ARHGAP15: variants seen among roughly 807,000 people sequenced by gnomAD.
ARHGAP15 encodes the protein rho GTPase-activating protein 15.
Under a neutral mutation model 63.7 loss-of-function variants are expected in ARHGAP15, and 51 were observed. The ratio of observed to expected loss-of-function variants is 0.80; its 90% confidence interval spans 0.64 to 1.01. ARHGAP15 has a LOEUF of 1.01. Among genes scored for constraint, ARHGAP15 ranks in the 50% least tolerant of loss-of-function variants. The pLI is 0.00. For synonymous variants in ARHGAP15, 191 were observed against 193.8 expected (o/e 0.99, Z 0.12); for missense variants, 560 against 564.6 (o/e 0.99, Z 0.08).
intron 6 of ARHGAP15, among the ~76,000 whole-genome samples, chr2:143,342,594 C>G (rs1685107082): frequency 6.6e-6 from 1 of 152,048 alleles, no homozygotes; most frequent in Admixed American, 6.6e-5. Flanking sequence ...TTATGTCTAG[C>G]ACTGAAGTTC....
intron 6 of ARHGAP15, among the ~76,000 whole-genome samples, chr2:143,361,550 A>C (rs1686054563): frequency 6.6e-6 from 1 of 152,178 alleles, no homozygotes; most frequent in Admixed American, 6.5e-5. Flanking sequence ...GGAATTATTT[A>C]CCAGTTTTTG....
chr2:143,664,848 C>T (rs866631228), intron 12 of ARHGAP15, among the ~76,000 whole-genome samples: 3 of 152,106 alleles, frequency 2.0e-5, no homozygotes, highest in South Asian at 2.1e-4. Flanking sequence ...ACACATACAC[C>T]ATCCCAAGAC....
rs756824432 is a variant in ARHGAP15 at position 143,303,089 on chromosome 2, G to T, written c.474+52489G>T. On this transcript the variant is annotated intron_variant, in intron 6 of 13. Coordinates refer to ENST00000295095, the MANE Select transcript of ARHGAP15 (RefSeq NM_018460.4). ...AGAAAACCTAGGCAATACCATTCAG[G>T]ATGTAGGCATGGGCAAAGACTTCAT... Among the ~76,000 whole-genome samples the T allele has an allele frequency of 5.8e-4, 88 of 151,958 alleles. 1 individual carries two copies. Among genetic ancestry groups the T allele is most frequent in the Non-Finnish European group, 9.9e-4 (67 of 67,980 alleles).
chr2:143,517,455 A>G (rs963566959), intron 9 of ARHGAP15, among the ~76,000 whole-genome samples: 1 of 152,228 alleles, frequency 6.6e-6, no homozygotes, highest in African/African-American at 2.4e-5. Context: ...AATTTTACAT[A>G]TACTTTAAAA....
intron 6 of ARHGAP15, among the ~76,000 whole-genome samples, chr2:143,424,387 T>A (rs80103358): frequency 0.1 from 15,775 of 151,934 alleles, 978 homozygotes; most frequent in Middle Eastern, 0.15. Flanking sequence ...TAATTTTTTT[T>A]AAAAAAATGA....
chr2:143,224,211 C>A (rs1295517753), intron 4 of ARHGAP15, among the ~76,000 whole-genome samples: 3 of 152,074 alleles, frequency 2.0e-5, no homozygotes, highest in Non-Finnish European at 2.9e-5. Context: ...AAAAAATATC[C>A]TATATCAGAA....
chr2:143,590,285 A>C (rs1030757540), intron 11 of ARHGAP15, among the ~76,000 whole-genome samples: 5 of 152,228 alleles, frequency 3.3e-5, no homozygotes, highest in Non-Finnish European at 7.3e-5. Context: ...AGTAGCTCAG[A>C]AACACTTAGC....
chr2:143,657,174 C>G (rs1011256325), intron 12 of ARHGAP15, among the ~76,000 whole-genome samples: 1 of 151,982 alleles, frequency 6.6e-6, no homozygotes, highest in African/African-American at 2.4e-5. Context: ...GTGAAACCCC[C>G]TCTCTACTAA....
intron 6 of ARHGAP15, among the ~76,000 whole-genome samples, chr2:143,292,396 A>T (rs532884133): frequency 6.6e-6 from 1 of 152,220 alleles, no homozygotes; most frequent in African/African-American, 2.4e-5. Context: ...TGAACTAAGG[A>T]AATAATTGGT....
chr2:143,594,761 A>G (rs1432048406), intron 11 of ARHGAP15, among the ~76,000 whole-genome samples: 2 of 152,116 alleles, frequency 1.3e-5, no homozygotes, highest in South Asian at 4.1e-4. Flanking sequence ...CTCAAAGAAA[A>G]TCTGATATGT....
At chr2:143,337,800 G>T (rs1312133212) in intron 6 of ARHGAP15, among the ~76,000 whole-genome samples, 2 of 152,142 alleles carry the variant, frequency 1.3e-5, no homozygotes, top group East Asian at 3.9e-4. Flanking sequence ...AACACTGGAA[G>T]GTAGAATGCC....
chr2:143,530,250 G>A lies in ARHGAP15; in HGVS notation c.925+10886G>A, dbSNP rs185344941. ...TTTGTTTTTTGTTTGTTTTGTTGTT[G>A]TTGTTGTTGTTTTTCCAGGGGGCAT... is the stretch of plus-strand genomic sequence containing the variant. On this transcript the variant is annotated intron_variant, in intron 10 of 13. Coordinates refer to ENST00000295095, the MANE Select transcript of ARHGAP15 (RefSeq NM_018460.4). Among the ~76,000 whole-genome samples, 13 of 152,184 alleles carry A rather than the reference G, an allele frequency of 8.5e-5. No homozygotes were observed. The East Asian group carries it at 2.5e-3, about 29-fold the overall frequency.
Position 143,673,486 on chromosome 2 carries a change from C to T in ARHGAP15, c.1139-29933C>T, listed in dbSNP as rs905289261. Among the ~76,000 whole-genome samples, 65 of 151,650 alleles carry T rather than the reference C, an allele frequency of 4.3e-4. 1 individual carries two copies. The highest frequency in any genetic ancestry group is 1.5e-3 in the African/African-American group (61 of 41,394). ...CCAATTTTTATATTTTTAGTAGAGACAGGGTTTCATCATGTTGGCCAGGCT... is the reference window on the plus strand; with the variant it reads ...CCAATTTTTATATTTTTAGTAGAGATAGGGTTTCATCATGTTGGCCAGGCT... On this transcript the variant is annotated intron_variant, in intron 12 of 13. Transcript: ENST00000295095.
At chr2:143,630,697 TTCA>T (rs1417385982) in intron 12 of ARHGAP15, among the ~76,000 whole-genome samples, 1 of 152,102 alleles carries the variant, frequency 6.6e-6, no homozygotes, top group Non-Finnish European at 1.5e-5. Context: ...GTTTTCTTGT[TTCA>T]TCAACATTCA....
intron 11 of ARHGAP15, among the ~76,000 whole-genome samples, chr2:143,582,079 G>A (rs749055137): frequency 6.6e-5 from 10 of 152,156 alleles, no homozygotes; most frequent in Non-Finnish European, 1.3e-4. Flanking sequence ...GATATAAGAT[G>A]TGCACATCTT....
intron 11 of ARHGAP15, among the ~76,000 whole-genome samples, chr2:143,586,039 G>A (rs910191005): frequency 7.2e-5 from 11 of 151,966 alleles, no homozygotes; most frequent in Admixed American, 1.3e-4. Flanking sequence ...AGCATGTCAC[G>A]GTATAAAATA....
chr2:143,167,375 A>G (rs1690585542), intron 2 of ARHGAP15, among the ~76,000 whole-genome samples: 1 of 152,158 alleles, frequency 6.6e-6, no homozygotes, highest in Non-Finnish European at 1.5e-5. Context: ...TACATTAACC[A>G]GGAGACAAAA....
chr2:143,183,845 GAC>G (rs1425549409), intron 2 of ARHGAP15, among the ~76,000 whole-genome samples: 2 of 151,776 alleles, frequency 1.3e-5, no homozygotes. Flanking sequence ...CTCATGAAAA[GAC>G]AGTCTTTATA....
Position 143,228,578 on chromosome 2 carries a change from A to G in ARHGAP15, c.297-3A>G, listed in dbSNP as rs769575412. ...TCTTTCCCTTTTATTTTTTTGTCCTAAGGAAAAACTGGTCTACTTCCTGGA... is the reference window on the plus strand; with the variant it reads ...TCTTTCCCTTTTATTTTTTTGTCCTGAGGAAAAACTGGTCTACTTCCTGGA... On this transcript the variant is annotated splice_polypyrimidine_tract_variant and splice_region_variant and intron_variant, in intron 4 of 13. Coordinates refer to ENST00000295095, the MANE Select transcript of ARHGAP15 (RefSeq NM_018460.4). 124 of 1,594,930 alleles carry G rather than the reference A, an allele frequency of 7.8e-5. No homozygotes were observed. The highest frequency in any genetic ancestry group is 9.2e-5 in the Non-Finnish European group (108 of 1,169,800).
Sources: allele counts gnomAD v4.1 joint callset (sites outside exome capture counted in the v4.1 genomes callset), GRCh38; gene constraint gnomAD v4.1.1; transcripts MANE v1.5; gene names NCBI Gene and HGNC (gene_info 2026-07-23, HGNC 2026-07-21).